The following NR5A2 variants were observed in gnomAD, a reference collection of about 807,000 sequenced individuals.
NR5A2 encodes the protein CYP7A promoter-binding factor.
NR5A2 carries 26 observed loss-of-function variants against 62.7 expected under a neutral mutation model. That is an observed-to-expected ratio of 0.41 (90% confidence interval 0.30 to 0.58). The LOEUF is 0.58. NR5A2 is among the 20% of genes least tolerant of loss of function. NR5A2 has a pLI of 0.22. For synonymous variants in NR5A2, 246 were observed against 241.7 expected (o/e 1.02, Z -0.16); for missense variants, 541 against 669.1 (o/e 0.81, Z 2.11).
chr1:200,138,575 T>C (rs1280119515), intron 7 of NR5A2, among the ~76,000 whole-genome samples: 2 of 152,192 alleles, frequency 1.3e-5, no homozygotes, highest in Non-Finnish European at 2.9e-5. Flanking sequence ...ATCTTTAATG[T>C]CCAGAATTTA....
intron 1 of NR5A2, among the ~76,000 whole-genome samples, chr1:200,030,704 T>C (rs1025633972): frequency 6.6e-6 from 1 of 152,250 alleles, no homozygotes; most frequent in African/African-American, 2.4e-5. Context: ...CAGTGCCCAA[T>C]ATTATGCTTT....
chr1:200,055,944 G>A lies in NR5A2; in HGVS notation c.1110+7126G>A, dbSNP rs570907842. On this transcript the variant is annotated intron_variant, in intron 5 of 7. Transcript: ENST00000367362. ...TCTTCCGCTGAAGGTAGATATGAAAGTGTTCTGTCTTTGTGAATTTGGAGA... is the reference window on the plus strand; with the variant it reads ...TCTTCCGCTGAAGGTAGATATGAAAATGTTCTGTCTTTGTGAATTTGGAGA... 6.6e-5 allele frequency among the ~76,000 whole-genome samples: 10 copies of A among 152,288 alleles called. 1 individual carries two copies. In the South Asian group the frequency reaches 2.1e-3, roughly 32 times the overall value.
chr1:200,121,035 T>C, intron 7 of NR5A2, 80 bp downstream of exon 7: 1 of 1,487,734 alleles, frequency 6.7e-7, no homozygotes, highest in South Asian at 1.2e-5. Flanking sequence ...GTGGTCCATG[T>C]ATGTTTTTGT....
intron 7 of NR5A2, among the ~76,000 whole-genome samples, chr1:200,145,500 GTGTGTGTGTGTGTGT>G (rs1667659570): frequency 8.1e-6 from 1 of 123,052 alleles, no homozygotes; most frequent in African/African-American, 2.7e-5. Context: ...GTGTGTGTGT[GTGTGTGTGTGTGTGT>G]TATAAAGGTG....
chr1:200,040,826 G>A (rs950602323), intron 2 of NR5A2, among the ~76,000 whole-genome samples: 2 of 152,222 alleles, frequency 1.3e-5, no homozygotes, highest in Non-Finnish European at 2.9e-5. Flanking sequence ...CAGGCCGGGG[G>A]ACCTGTAGTC....
chr1:200,100,063 A>C (rs1043783018), intron 5 of NR5A2, among the ~76,000 whole-genome samples: 1 of 152,228 alleles, frequency 6.6e-6, no homozygotes, highest in African/African-American at 2.4e-5. Context: ...GCTGAGAAGG[A>C]TTCTGTTTTT....
chr1:200,172,440 T>C (rs1394918635), intron 7 of NR5A2, among the ~76,000 whole-genome samples: 21 of 152,206 alleles, frequency 1.4e-4, no homozygotes, highest in Non-Finnish European at 1.5e-5. Flanking sequence ...GAGCTCCTTA[T>C]TGTGTAGTAT....
chr1:200,088,446 AG>A (rs1664661200), intron 5 of NR5A2, among the ~76,000 whole-genome samples: 1 of 151,106 alleles, frequency 6.6e-6, no homozygotes, highest in Non-Finnish European at 1.5e-5. Flanking sequence ...TAGTAGTGAC[AG>A]GGTTTCTCCA....
At chr1:200,159,560 A>G (rs1653541263) in intron 7 of NR5A2, among the ~76,000 whole-genome samples, 1 of 152,168 alleles carries the variant, frequency 6.6e-6, no homozygotes, top group South Asian at 2.1e-4. Flanking sequence ...TATACATTAT[A>G]CCAAATAAAC....
intron 7 of NR5A2, among the ~76,000 whole-genome samples, chr1:200,163,831 A>G (rs1653769737): frequency 6.6e-6 from 1 of 152,152 alleles, no homozygotes; most frequent in Admixed American, 6.5e-5. Flanking sequence ...GTCAGTCATG[A>G]ACAAGCAATA....
At chr1:200,035,003 GA>G (rs894043723) in intron 1 of NR5A2, among the ~76,000 whole-genome samples, 1 of 152,056 alleles carries the variant, frequency 6.6e-6, no homozygotes, top group Non-Finnish European at 1.5e-5. Context: ...GCCAGGGAAT[GA>G]AACTGGAGTT....
chr1:200,116,718 A>G (rs1211481901), intron 6 of NR5A2, among the ~76,000 whole-genome samples: 1 of 152,218 alleles, frequency 6.6e-6, no homozygotes, highest in Non-Finnish European at 1.5e-5. Flanking sequence ...GGAAATTATG[A>G]TTATCAGTAA....
chr1:200,078,542 C>T (rs917487773), intron 5 of NR5A2, among the ~76,000 whole-genome samples: 1 of 152,154 alleles, frequency 6.6e-6, no homozygotes, highest in Non-Finnish European at 1.5e-5. Flanking sequence ...CTTTAAGTAA[C>T]AAATACAAAC....
At chr1:200,145,234 C>T (rs889510978) in intron 7 of NR5A2, among the ~76,000 whole-genome samples, 1 of 152,118 alleles carries the variant, frequency 6.6e-6, no homozygotes, top group Non-Finnish European at 1.5e-5. Context: ...CGCCTGAACC[C>T]GGGAGGCGGA....
At chr1:200,123,329 G>C (rs184914124) in intron 7 of NR5A2, among the ~76,000 whole-genome samples, 1 of 152,216 alleles carries the variant, frequency 6.6e-6, no homozygotes, top group Admixed American at 6.5e-5. Flanking sequence ...CGGGTGCAGC[G>C]TTCCAAGCTA....
chr1:200,087,141 C>T (rs1664587619), intron 5 of NR5A2, among the ~76,000 whole-genome samples: 1 of 141,670 alleles, frequency 7.1e-6, no homozygotes, highest in African/African-American at 2.6e-5. Flanking sequence ...CAGCTTTGAC[C>T]TTTATCTGCC....
intron 6 of NR5A2, among the ~76,000 whole-genome samples, chr1:200,115,100 G>A (rs979678878): frequency 9.2e-5 from 14 of 152,098 alleles, no homozygotes; most frequent in African/African-American, 3.4e-4. Context: ...GGCATTGTAA[G>A]CACATTGTTA....
chr1:200,116,922 T>A (rs570186084), intron 6 of NR5A2, among the ~76,000 whole-genome samples: 1 of 152,332 alleles, frequency 6.6e-6, no homozygotes, highest in East Asian at 1.9e-4. Flanking sequence ...CACTGTAACA[T>A]CATCCTAAGG....
intron 5 of NR5A2, among the ~76,000 whole-genome samples, chr1:200,110,648 C>T (rs1665897549): frequency 6.6e-6 from 1 of 152,194 alleles, no homozygotes; most frequent in Non-Finnish European, 1.5e-5. Context: ...CAGTCCAGCA[C>T]AATCGGACTT....
Sources: gnomAD v4.1 joint callset for allele counts (sites outside exome capture counted in the v4.1 genomes callset) on GRCh38, gnomAD v4.1.1 for gene constraint, MANE v1.5 for transcripts, NCBI Gene and HGNC (gene_info 2026-07-23, HGNC 2026-07-21) for gene names.